COL23A1: variants seen among roughly 807,000 people sequenced by gnomAD.
COL23A1 encodes collagen type XXIII alpha 1 chain.
A neutral mutation model predicts 99.3 loss-of-function variants in COL23A1; 97 were observed. That is an observed-to-expected ratio of 0.98 (90% CI 0.83 to 1.16). The LOEUF (loss-of-function observed/expected upper bound fraction) is 1.16. Ranked by LOEUF, COL23A1 falls within the 50% of genes most tolerant of loss-of-function variation. COL23A1 has a pLI of 0.00. For missense variants in COL23A1, 762 were observed against 757.4 expected (o/e 1.01, Z -0.07); for synonymous variants, 320 against 308.2 (o/e 1.04, Z -0.40).
At chr5:178,261,608 C>G (rs1765627888) in intron 11 of COL23A1, 114 bp downstream of exon 11, 3 of 743,002 alleles carry the variant, frequency 4.0e-6, no homozygotes, top group East Asian at 4.9e-5. Flanking sequence ...ATCTCCTGAC[C>G]CTGCTGCCTT....
chr5:178,424,818 C>T (rs1408470144), intron 2 of COL23A1, among the ~76,000 whole-genome samples: 1 of 152,216 alleles, frequency 6.6e-6, no homozygotes, highest in Non-Finnish European at 1.5e-5. Context: ...CCAACTCCCC[C>T]AGGCCTTCTG....
chr5:178,516,026 G>A lies in COL23A1; in HGVS notation c.361+44656C>T, dbSNP rs192281687. Among the ~76,000 whole-genome samples, 585 of 152,208 alleles carry A rather than the reference G, an allele frequency of 3.8e-3. 6 individuals are homozygous for A. The highest frequency in any genetic ancestry group is 0.013 in the African/African-American group (558 of 41,532). Reference sequence around the variant, plus strand: ...AGTTTCTCTTTTTGTGTCTCTTTCTGTCTCTGCAGAGCTGTCTGGAGGCCT... The same window carrying A: ...AGTTTCTCTTTTTGTGTCTCTTTCTATCTCTGCAGAGCTGTCTGGAGGCCT... On this transcript the variant is annotated intron_variant, in intron 2 of 28. Coordinates refer to ENST00000390654, the MANE Select transcript of COL23A1 (RefSeq NM_173465.4).
At chr5:178,357,322 C>T (rs1430383584) in intron 2 of COL23A1, among the ~76,000 whole-genome samples, 1 of 152,140 alleles carries the variant, frequency 6.6e-6, no homozygotes, top group East Asian at 1.9e-4. Flanking sequence ...AATGCCTTTT[C>T]TGTGAGCCGG....
chr5:178,328,218 GTCCCCACTGAATT>G (rs1425427529), intron 2 of COL23A1, among the ~76,000 whole-genome samples: 1 of 152,074 alleles, frequency 6.6e-6, no homozygotes, highest in Admixed American at 6.5e-5. Flanking sequence ...ACTCCCACAC[GTCCCCACTGAATT>G]TCCTGTTCCT....
intron 2 of COL23A1, among the ~76,000 whole-genome samples, chr5:178,410,849 G>T (rs1765020247): frequency 6.6e-6 from 1 of 152,086 alleles, no homozygotes; most frequent in Admixed American, 6.6e-5. Flanking sequence ...CAGAATGCAA[G>T]AATACATTTT....
chr5:178,554,131 T>C (rs916605734), intron 2 of COL23A1, among the ~76,000 whole-genome samples: 2 of 151,774 alleles, frequency 1.3e-5, no homozygotes, highest in Non-Finnish European at 2.9e-5. Flanking sequence ...GTCAACACAC[T>C]TTCCCCTGGG....
intron 2 of COL23A1, among the ~76,000 whole-genome samples, chr5:178,358,637 TGTG>T (rs1761985109): frequency 1.5e-5 from 2 of 134,648 alleles, no homozygotes; most frequent in Non-Finnish European, 3.2e-5. Flanking sequence ...ATGTGTCTAG[TGTG>T]TGTGTGTATG....
At chr5:178,321,010 TGGG>T (rs1759271839) in intron 2 of COL23A1, among the ~76,000 whole-genome samples, 1 of 152,262 alleles carries the variant, frequency 6.6e-6, no homozygotes, top group African/African-American at 2.4e-5. Flanking sequence ...AGCTGTGTTT[TGGG>T]CAGCAGGATT....
intron 2 of COL23A1, among the ~76,000 whole-genome samples, chr5:178,374,285 G>A (rs1433913788): frequency 6.6e-6 from 1 of 152,030 alleles, no homozygotes; most frequent in Non-Finnish European, 1.5e-5. Flanking sequence ...TCCCTGAGGT[G>A]CCCTTCCCTC....
At position 178,238,503 on chromosome 5, in the gene COL23A1, C is replaced by T; in HGVS notation, c.*195G>A. On this transcript the variant is annotated 3_prime_UTR_variant, in exon 29 of 29. Transcript: ENST00000390654. Reference sequence around the variant, plus strand: ...CCAAGGGTGCCCCTCAGGTACACATCTCCCTGGTCTGGCCTGTCCACTTTC... The same window carrying T: ...CCAAGGGTGCCCCTCAGGTACACATTTCCCTGGTCTGGCCTGTCCACTTTC... The T allele has an allele frequency of 1.5e-6, 1 of 670,100 alleles. No homozygotes were observed. Among genetic ancestry groups the T allele is most frequent in the Non-Finnish European group, 2.6e-6 (1 of 391,536 alleles). 41.5% of individuals were successfully genotyped at this position (670,100 alleles called of 1,614,324 possible). A position where few individuals can be genotyped will look rare whatever the true frequency, so the allele number is the denominator to read the frequency against.
chr5:178,438,752 G>A (rs951715319), intron 2 of COL23A1: 3 of 152,150 alleles, frequency 2.0e-5, no homozygotes, highest in African/African-American at 7.2e-5. Context: ...TATAAAGAGC[G>A]AGAGAATCAA....
At chr5:178,371,714 C>T (rs566880844) in intron 2 of COL23A1, among the ~76,000 whole-genome samples, 2 of 152,284 alleles carry the variant, frequency 1.3e-5, no homozygotes, top group South Asian at 2.1e-4. Flanking sequence ...TCCCTCTTCC[C>T]GATGGTGAGC....
chr5:178,252,667 C>G, intron 16 of COL23A1, 70 bp from the exon 17 acceptor site: 1 of 1,380,232 alleles, frequency 7.2e-7, no homozygotes, highest in Non-Finnish European at 1.0e-6. Context: ...CCATCCAGCT[C>G]CCCACCTGGA....
chr5:178,536,153 A>G (rs537534073), intron 2 of COL23A1, among the ~76,000 whole-genome samples: 1 of 152,358 alleles, frequency 6.6e-6, no homozygotes, highest in East Asian at 1.9e-4. Context: ...TCCTTTGAGG[A>G]ACAATTCACT....
At chr5:178,257,217 C>T (rs533146651) in intron 13 of COL23A1, among the ~76,000 whole-genome samples, 5 of 152,052 alleles carry the variant, frequency 3.3e-5, no homozygotes, top group South Asian at 2.1e-4. Flanking sequence ...GTGGCTGTTG[C>T]GAGGGGTTGG....
chr5:178,381,816 T>G (rs564325073), intron 2 of COL23A1, among the ~76,000 whole-genome samples: 2 of 152,288 alleles, frequency 1.3e-5, no homozygotes, highest in Admixed American at 1.3e-4. Context: ...TTAAATGCTG[T>G]GTAGAGATGG....
At chr5:178,502,542 G>T (rs60264126) in intron 2 of COL23A1, among the ~76,000 whole-genome samples, 3,584 of 152,226 alleles carry the variant, frequency 0.024, 160 homozygotes, top group African/African-American at 0.082. Context: ...TTGTGGTTTG[G>T]ATTAACCACA....
chr5:178,491,336 C>T (rs1275851661), intron 2 of COL23A1, among the ~76,000 whole-genome samples: 1 of 152,116 alleles, frequency 6.6e-6, no homozygotes, highest in Non-Finnish European at 1.5e-5. Flanking sequence ...CTCCTTCTGT[C>T]CTCCATTACG....
At chr5:178,305,147 C>T (rs545271528) in intron 3 of COL23A1, among the ~76,000 whole-genome samples, 5 of 152,204 alleles carry the variant, frequency 3.3e-5, no homozygotes, top group East Asian at 3.9e-4. Context: ...GGCAGGGTCT[C>T]GGGTGATTAC....
Sources: gnomAD v4.1 joint callset for allele counts (sites outside exome capture counted in the v4.1 genomes callset) on GRCh38, gnomAD v4.1.1 for gene constraint, MANE v1.5 for transcripts, NCBI Gene and HGNC (gene_info 2026-07-23, HGNC 2026-07-21) for gene names.